SOX6: variants seen among roughly 807,000 people sequenced by gnomAD.
SOX6 encodes the protein transcription factor SOX-6.
A neutral mutation model predicts 97.8 loss-of-function variants in SOX6; 11 were observed. The ratio of observed to expected loss-of-function variants is 0.11; its 90% CI spans 0.07 to 0.19. The LOEUF (loss-of-function observed/expected upper bound fraction) is 0.19. SOX6 is among the 10% of genes least tolerant of loss of function. The probability of loss-of-function intolerance (pLI) is 1.00; values close to 1 mark genes in which losing one functional copy is unlikely to be tolerated. For synonymous variants in SOX6, 360 were observed against 371.4 expected (o/e 0.97, Z 0.35); for missense variants, 810 against 1,039.5 (o/e 0.78, Z 3.04).
chr11:16,417,689 A>G (rs1028252789), intron 1 of SOX6, among the ~76,000 whole-genome samples: 1 of 152,226 alleles, frequency 6.6e-6, no homozygotes, highest in Non-Finnish European at 1.5e-5. Context: ...CTTATTTTTT[A>G]AAAGTTGAAT....
intron 15 of SOX6, among the ~76,000 whole-genome samples, chr11:15,974,378 C>CTTTTTTTTTTTTTTTTTTTT (rs35597667): frequency 7.0e-5 from 6 of 85,656 alleles, no homozygotes; most frequent in Non-Finnish European, 6.1e-5. Context: ...TTAGCTCTCT[C>CTTTTTTTTTTTTTTTTTTTT]TTTTTTTTTT....
At chr11:16,573,550 G>GAT (rs575749566) in intron 4 of SOX6, among the ~76,000 whole-genome samples, 91 of 151,604 alleles carry the variant, frequency 6.0e-4, no homozygotes, top group Non-Finnish European at 9.9e-4. Context: ...TACTATGCAG[G>GAT]ATATATATAT....
At chr11:16,339,691 T>C (rs1286185167) in intron 2 of SOX6, among the ~76,000 whole-genome samples, 1 of 152,104 alleles carries the variant, frequency 6.6e-6, no homozygotes, top group African/African-American at 2.4e-5. Flanking sequence ...TCATGTCTGC[T>C]TTGTTCACCA....
chr11:16,144,963 C>G (rs2134046179), intron 6 of SOX6, among the ~76,000 whole-genome samples: 1 of 152,230 alleles, frequency 6.6e-6, no homozygotes, highest in South Asian at 2.1e-4. Flanking sequence ...TTATTCCAAT[C>G]AATAGAAAAA....
chr11:16,198,318 C>T (rs1159280225), intron 4 of SOX6, among the ~76,000 whole-genome samples: 1 of 150,578 alleles, frequency 6.6e-6, no homozygotes, highest in Non-Finnish European at 1.5e-5. Context: ...TCAGGTGATC[C>T]ACCCACCTTG....
At chr11:16,596,471 CTAGT>C (rs1464348946) in intron 4 of SOX6, among the ~76,000 whole-genome samples, 2 of 152,266 alleles carry the variant, frequency 1.3e-5, no homozygotes, top group African/African-American at 4.8e-5. Flanking sequence ...TACAGAAAAG[CTAGT>C]TATACTGTCA....
chr11:16,606,751 T>C (rs1049443769), intron 4 of SOX6, among the ~76,000 whole-genome samples: 24 of 152,238 alleles, frequency 1.6e-4, no homozygotes, highest in Admixed American at 1.5e-3. Context: ...TCCCTGTCCC[T>C]GCCCTTTTGC....
upstream of SOX6, among the ~76,000 whole-genome samples, chr11:16,476,686 A>G (rs900955690): frequency 6.6e-6 from 1 of 152,222 alleles, no homozygotes; most frequent in African/African-American, 2.4e-5. Context: ...TTTAAGAGAA[A>G]GAAAGAAACA....
intron 12 of SOX6, among the ~76,000 whole-genome samples, chr11:16,019,780 G>A (rs1854998859): frequency 6.6e-6 from 1 of 152,014 alleles, no homozygotes; most frequent in Non-Finnish European, 1.5e-5. Flanking sequence ...AATTTTGCAG[G>A]GAAGGTTAAT....
At chr11:16,486,001 G>A (rs1421101447) in intron 4 of SOX6, among the ~76,000 whole-genome samples, 1 of 91,536 alleles carries the variant, frequency 1.1e-5, no homozygotes, top group Admixed American at 1.3e-4. Flanking sequence ...GGGAGGGGAA[G>A]GAAGGGAATA....
At chr11:16,109,592 T>A (rs181934336) in intron 7 of SOX6, among the ~76,000 whole-genome samples, 1 of 152,276 alleles carries the variant, frequency 6.6e-6, no homozygotes, top group Admixed American at 6.5e-5. Context: ...CCAATAGAAG[T>A]CTCTTCACCT....
At chr11:16,198,988 T>C (rs1265792560) in intron 4 of SOX6, among the ~76,000 whole-genome samples, 1 of 152,182 alleles carries the variant, frequency 6.6e-6, no homozygotes, top group Non-Finnish European at 1.5e-5. Flanking sequence ...GTCACATGCA[T>C]CTCTGTGACA....
At chr11:16,545,703 G>T (rs1156318855) in intron 4 of SOX6, among the ~76,000 whole-genome samples, 2 of 152,144 alleles carry the variant, frequency 1.3e-5, no homozygotes, top group African/African-American at 4.8e-5. Flanking sequence ...TGTAATCGTA[G>T]CTCCTTGGGA....
At chr11:16,113,360 T>A (rs975564174) in intron 6 of SOX6, among the ~76,000 whole-genome samples, 1 of 152,220 alleles carries the variant, frequency 6.6e-6, no homozygotes, top group Admixed American at 6.5e-5. Context: ...TGAAAGAAAC[T>A]AGCTTTGAGC....
intron 3 of SOX6, among the ~76,000 whole-genome samples, chr11:16,614,408 C>A (rs971090578): frequency 6.6e-6 from 1 of 152,156 alleles, no homozygotes; most frequent in African/African-American, 2.4e-5. Context: ...TCAGGCAGCC[C>A]GGCCGCCTGC....
intron 1 of SOX6, among the ~76,000 whole-genome samples, chr11:16,380,536 C>T (rs17554301): frequency 0.087 from 13,161 of 151,958 alleles, 649 homozygotes; most frequent in Non-Finnish European, 0.11. Context: ...TTTAACAAGT[C>T]CATAATTATG....
chr11:16,712,087 AC>A (rs2134048273), intron 3 of SOX6, among the ~76,000 whole-genome samples: 1 of 147,892 alleles, frequency 6.8e-6, no homozygotes, highest in African/African-American at 2.6e-5. Flanking sequence ...ATACACACAC[AC>A]ACACACACAC....
intron 3 of SOX6, among the ~76,000 whole-genome samples, chr11:16,633,657 GA>G (rs1358910421): frequency 6.6e-6 from 1 of 152,150 alleles, no homozygotes; most frequent in African/African-American, 2.4e-5. Flanking sequence ...TTATAGCTGG[GA>G]AAAGCAAGGG....
intron 4 of SOX6, among the ~76,000 whole-genome samples, chr11:16,518,638 C>T (rs928128459): frequency 1.3e-5 from 2 of 152,226 alleles, no homozygotes; most frequent in East Asian, 1.9e-4. Flanking sequence ...CGCAAACAAA[C>T]TTTATCCAGA....
Sources: gnomAD v4.1 joint callset for allele counts (sites outside exome capture counted in the v4.1 genomes callset) on GRCh38, gnomAD v4.1.1 for gene constraint, MANE v1.5 for transcripts, NCBI Gene and HGNC (gene_info 2026-07-23, HGNC 2026-07-21) for gene names.